The following GULP1 variants were observed in gnomAD, a reference collection of about 807,000 sequenced individuals.
GULP1 encodes the protein GULP PTB domain containing engulfment adaptor 1, also known as PTB domain-containing engulfment adapter protein 1.
A neutral mutation model predicts 40.9 loss-of-function variants in GULP1; 19 were observed. That is an observed-to-expected ratio of 0.46 (90% CI 0.32 to 0.68). The LOEUF is 0.68. Among genes scored for constraint, GULP1 ranks in the 30% least tolerant of loss-of-function variants. The pLI, the probability that GULP1 is intolerant of heterozygous loss-of-function variation, is 0.03. For synonymous variants in GULP1, 119 were observed against 117.6 expected, an observed-to-expected ratio of 1.01 and a Z score of -0.08; for missense variants, 312 against 362.2, an observed-to-expected ratio of 0.86 and a Z score of 1.12.
At chr2:188,356,143 G>A (rs1331021833) in intron 1 of GULP1, among the ~76,000 whole-genome samples, 2 of 151,950 alleles carry the variant, frequency 1.3e-5, no homozygotes, top group Non-Finnish European at 2.9e-5. Context: ...AAAGATGTCC[G>A]TTTTCATCAC....
At chr2:188,593,861 A>G in intron 11 of GULP1, 79 bp from the exon 12 acceptor site, 1 of 793,342 alleles carries the variant, frequency 1.3e-6, no homozygotes, top group Non-Finnish European at 2.2e-6. Flanking sequence ...TTTCAACTTT[A>G]GTGCATAGTC....
chr2:188,443,865 A>C lies in GULP1; in HGVS notation c.-44-33794A>C, dbSNP rs565204820. Among the ~76,000 whole-genome samples the C allele has an allele frequency of 7.9e-4, 120 of 152,238 alleles. 1 individual carries two copies. Among genetic ancestry groups the C allele is most frequent in the African/African-American group, 2.4e-3 (101 of 41,560 alleles). On this transcript the variant is annotated intron_variant, in intron 2 of 11. Transcript: ENST00000409830. ...AAAAAATGAATTTCTAATTCTAATTATAATTTAGGGTGGAATTTAAATATT... is the reference window on the plus strand; with the variant it reads ...AAAAAATGAATTTCTAATTCTAATTCTAATTTAGGGTGGAATTTAAATATT...
intron 2 of GULP1, among the ~76,000 whole-genome samples, chr2:188,436,537 A>G (rs1376999369): frequency 6.6e-6 from 1 of 152,102 alleles, no homozygotes; most frequent in African/African-American, 2.4e-5. Context: ...CAATTAGTAC[A>G]TTTTATTATC....
chr2:188,429,020 C>G lies in GULP1; in HGVS notation c.-45+45131C>G, dbSNP rs77701048. 6.8e-4 allele frequency among the ~76,000 whole-genome samples: 104 copies of G among 151,994 alleles called. 2 individuals are homozygous for G. The East Asian group carries it at 0.019, about 28-fold the overall frequency. ...AGCTAAATATTTAAATTATTTGGGA[C>G]TAAGTCAAAGAACATATTATATTGT... On this transcript the variant is annotated intron_variant, in intron 2 of 11. Coordinates refer to ENST00000409830, the MANE Select transcript of GULP1 (RefSeq NM_016315.4).
At chr2:188,367,569 G>A (rs1334809386) in intron 1 of GULP1, among the ~76,000 whole-genome samples, 1 of 152,160 alleles carries the variant, frequency 6.6e-6, no homozygotes, top group Non-Finnish European at 1.5e-5. Context: ...GCCAGTGAAT[G>A]GGATTTATTT....
At chr2:188,534,520 ACAAACTCTTG>A (rs890302992) in intron 6 of GULP1, among the ~76,000 whole-genome samples, 4 of 152,234 alleles carry the variant, frequency 2.6e-5, no homozygotes, top group Middle Eastern at 3.4e-3. Flanking sequence ...GGGTTTAAAA[ACAAACTCTTG>A]CATACTATGC....
intron 7 of GULP1, among the ~76,000 whole-genome samples, chr2:188,568,983 C>G (rs2153430157): frequency 6.6e-6 from 1 of 152,196 alleles, no homozygotes; most frequent in East Asian, 1.9e-4. Flanking sequence ...TTCCAACTTT[C>G]CCACTTCAAC....
At chr2:188,462,732 G>A (rs889500587) in intron 2 of GULP1, among the ~76,000 whole-genome samples, 3 of 151,866 alleles carry the variant, frequency 2.0e-5, no homozygotes, top group Admixed American at 6.6e-5. Context: ...GATTTTGTCT[G>A]GTGATATGAT....
chr2:188,308,979 G>A (rs568972524), intron 1 of GULP1, among the ~76,000 whole-genome samples: 1 of 152,114 alleles, frequency 6.6e-6, no homozygotes, highest in African/African-American at 2.4e-5. Flanking sequence ...TTTAGCTTGG[G>A]GAGCAGGCAG....
At chr2:188,443,679 G>A (rs2058129938) in intron 2 of GULP1, among the ~76,000 whole-genome samples, 1 of 150,022 alleles carries the variant, frequency 6.7e-6, no homozygotes, top group Non-Finnish European at 1.5e-5. Context: ...CTGAAAAAAT[G>A]AATTTCTTTT....
chr2:188,584,239 C>T lies in GULP1; in HGVS notation c.610-26C>T, dbSNP rs377378698. ...TACAATGTGTCTATATGAAATATTA[C>T]CCTAATTCATTTATTTTCATTGCAG... On this transcript the variant is annotated intron_variant, in intron 9 of 11. Coordinates refer to ENST00000409830, the MANE Select transcript of GULP1 (RefSeq NM_016315.4). 28 of 1,525,022 alleles carry T rather than the reference C, an allele frequency of 1.8e-5. No homozygotes were observed. The African/African-American group carries it at 3.3e-4, about 18-fold the overall frequency. The allele number at this position is 1,525,022 out of a possible 1,614,324, so 94.5% of individuals were successfully genotyped here. A position where few individuals can be genotyped will look rare whatever the true frequency, so the allele number is the denominator to read the frequency against.
Position 188,450,958 on chromosome 2 carries a change from G to A in GULP1, c.-44-26701G>A, listed in dbSNP as rs550039320. Among the ~76,000 whole-genome samples the A allele has an allele frequency of 6.6e-5, 10 of 152,244 alleles. No individual in the cohort carries two copies. The South Asian group carries it at 2.1e-3, about 32-fold the overall frequency. On this transcript the variant is annotated intron_variant, in intron 2 of 11. Transcript: ENST00000409830. ...CACCTGACTTCTGCCAAGCAAGTAG[G>A]AAGTTTTGCCTTCACCTTCACCTTT...
intron 2 of GULP1, among the ~76,000 whole-genome samples, chr2:188,404,804 A>C (rs1331680953): frequency 2.0e-5 from 3 of 152,162 alleles, no homozygotes; most frequent in African/African-American, 7.2e-5. Context: ...CCCAGGCTGC[A>C]GGCCCACCCT....
intron 2 of GULP1, among the ~76,000 whole-genome samples, chr2:188,404,998 A>C (rs1483396981): frequency 6.6e-6 from 1 of 152,034 alleles, no homozygotes; most frequent in Admixed American, 6.5e-5. Context: ...TTGTGGTTGC[A>C]TATCCCAGCA....
chr2:188,518,765 C>T (rs1181309237), intron 4 of GULP1, among the ~76,000 whole-genome samples: 1 of 152,184 alleles, frequency 6.6e-6, no homozygotes, highest in Non-Finnish European at 1.5e-5. Flanking sequence ...GGCAATCCCT[C>T]ATAAACAACT....
chr2:188,294,771 A>G (rs1372323167), intron 1 of GULP1, among the ~76,000 whole-genome samples: 5 of 152,194 alleles, frequency 3.3e-5, no homozygotes, highest in Non-Finnish European at 7.3e-5. Context: ...TCCTTTACAT[A>G]ATTACAAGAT....
At chr2:188,426,006 G>T (rs1295524283) in intron 2 of GULP1, among the ~76,000 whole-genome samples, 1 of 152,148 alleles carries the variant, frequency 6.6e-6, no homozygotes, top group African/African-American at 2.4e-5. Flanking sequence ...GTCTCAGGAA[G>T]CCCTAAGAAC....
At chr2:188,373,540 C>T (rs1355621809) in intron 1 of GULP1, among the ~76,000 whole-genome samples, 1 of 151,718 alleles carries the variant, frequency 6.6e-6, no homozygotes, top group East Asian at 1.9e-4. Flanking sequence ...GTTCAAGTGT[C>T]TATAGTTTTT....
At chr2:188,523,064 A>G (rs565162182) in intron 5 of GULP1, 2 of 367,480 alleles carry the variant, frequency 5.4e-6, no homozygotes, top group South Asian at 5.3e-5. Flanking sequence ...AATGTGTCAT[A>G]TTAAAAATAA....
Sources: gnomAD v4.1 joint callset for allele counts (sites outside exome capture counted in the v4.1 genomes callset) on GRCh38, gnomAD v4.1.1 for gene constraint, MANE v1.5 for transcripts, NCBI Gene and HGNC (gene_info 2026-07-23, HGNC 2026-07-21) for gene names.